ZNF385A: variants seen among roughly 807,000 people sequenced by gnomAD.
The protein encoded by ZNF385A is hematopoietic zinc finger protein.
In ZNF385A, 14 loss-of-function variants were observed where a neutral mutation model predicts 32.1. The ratio of observed to expected loss-of-function variants is 0.44; its 90% CI spans 0.29 to 0.68. The LOEUF is 0.68. ZNF385A is among the 30% of genes least tolerant of loss of function. The pLI, the probability that ZNF385A is intolerant of heterozygous loss-of-function variation, is 0.14. For missense variants in ZNF385A, 406 were observed against 478.4 expected (o/e 0.85, Z 1.41); for synonymous variants, 197 against 202.7 (o/e 0.97, Z 0.24).
At chr12:54,385,690 T>C (rs1035279808), upstream of ZNF385A, 204 of 985,364 alleles carry the variant, frequency 2.1e-4, no homozygotes, top group Non-Finnish European at 2.4e-4. Flanking sequence ...TTCTGATGCC[T>C]GCTGCCCCCA....
rs1954435063 is a variant in ZNF385A, at chr12:54,370,093, TC to T, written c.*162del. ...TGTTCCCCCCCTTCTGAAGCCCCCC[TC>T]CCCCGCTACCCCTCCCCTTTCCTGG... On this transcript the variant is annotated 3_prime_UTR_variant, in exon 7 of 7. Coordinates refer to ENST00000394313, the MANE Select transcript of ZNF385A (RefSeq NM_015481.3). The surrounding 1 kb of genome is among the most constrained non-coding windows in gnomAD (Gnocchi z 5.5). 3.8e-6 allele frequency: 2 copies of T among 527,390 alleles called. No homozygotes were observed. The highest frequency in any genetic ancestry group is 3.1e-6 in the Non-Finnish European group (1 of 324,384). The allele number at this position is 527,390 out of a possible 1,614,324, so 32.7% of individuals were successfully genotyped here.
chr12:54,383,848 C>T (rs181348014), intron 1 of ZNF385A, among the ~76,000 whole-genome samples: 519 of 152,324 alleles, frequency 3.4e-3, no homozygotes, highest in African/African-American at 0.012. Context: ...GACCCAAGAT[C>T]GTGCCACTGC....
upstream of ZNF385A, chr12:54,385,745 C>T (rs968133288): frequency 1.0e-5 from 9 of 863,918 alleles, no homozygotes; most frequent in African/African-American, 5.5e-5. Flanking sequence ...GGCCTGACAG[C>T]GTCCCCTTCC....
At chr12:54,374,262 G>T in intron 2 of ZNF385A, 127 bp from the exon 3 acceptor site, 1 of 854,840 alleles carries the variant, frequency 1.2e-6, no homozygotes, top group Non-Finnish European at 1.6e-6. Context: ...ACACCAGTGA[G>T]ATGTAAAGCC....
Position 54,371,547 on chromosome 12 carries a change from G to A in ZNF385A, c.530C>T (p.Ala177Val), listed in dbSNP as rs1233092399. The A allele has an allele frequency of 6.2e-7, 1 of 1,613,672 alleles. No individual in the cohort carries two copies. ...PGGSKEEEEK[A>V]KRLLYCALCK... Reference sequence around the variant, plus strand: ...CAGAGCACAGTAGAGCAGCCGCTTGGCTTTCTCCTCCTCTTCCTTGCTACC... The same window carrying A: ...CAGAGCACAGTAGAGCAGCCGCTTGACTTTCTCCTCCTCTTCCTTGCTACC... Residue 177 changes from alanine (A) to valine (V), a missense_variant, in exon 4 of 7, where the codon GCC (alanine) becomes GTC (valine). Transcript: ENST00000394313.
chr12:54,378,003 A>G (rs77253579), intron 1 of ZNF385A, among the ~76,000 whole-genome samples: 4,028 of 152,270 alleles, frequency 0.026, 183 homozygotes, highest in African/African-American at 0.092. Flanking sequence ...CCATACCATG[A>G]GAATGGTTCC....
At chr12:54,371,193 G>A in intron 4 of ZNF385A, 97 bp from the exon 5 acceptor site, 2 of 1,371,124 alleles carry the variant, frequency 1.5e-6, no homozygotes, top group South Asian at 2.8e-5. Context: ...ATATGAGGGG[G>A]AAGAGGGTGG....
At chr12:54,386,069 G>A (rs956999654), upstream of ZNF385A, among the ~76,000 whole-genome samples, 21 of 152,076 alleles carry the variant, frequency 1.4e-4, no homozygotes, top group African/African-American at 5.1e-4. Flanking sequence ...GGCTAAAGGA[G>A]AGGGTAAGAT....
Position 54,370,608 on chromosome 12 carries a change from C to T in ZNF385A, c.870+18G>A, listed in dbSNP as rs1410913179. ...CCCGCGCCCTCCCACTGCTGAATTC[C>T]CAGCATCCAGGCCTCACCGCCAGCT... is the stretch of plus-strand genomic sequence containing the variant. On this transcript the variant is annotated intron_variant, in intron 6 of 6. Coordinates refer to ENST00000394313, the MANE Select transcript of ZNF385A (RefSeq NM_015481.3). The surrounding 1 kb of genome is among the most constrained non-coding windows in gnomAD (Gnocchi z 5.5). The T allele has an allele frequency of 1.3e-6, 2 of 1,586,340 alleles. No homozygotes were observed. The highest frequency in any genetic ancestry group is 3.6e-5 in the Admixed American group (2 of 56,172).
intron 1 of ZNF385A, 74 bp downstream of exon 1, chr12:54,384,352 AAG>A: frequency 6.9e-7 from 1 of 1,450,508 alleles, no homozygotes; most frequent in South Asian, 1.4e-5. Context: ...GAAACAGAAG[AAG>A]AGGGCAGAGG....
At chr12:54,391,136 G>A in intron 1 of ZNF385A, 6 of 1,300,836 alleles carry the variant, frequency 4.6e-6, no homozygotes, top group Non-Finnish European at 4.1e-6. Flanking sequence ...ACGGGCGGCC[G>A]CAGTCACCGC....
intron 1 of ZNF385A, among the ~76,000 whole-genome samples, chr12:54,382,682 C>G (rs913327098): frequency 4.6e-5 from 7 of 152,104 alleles, no homozygotes; most frequent in African/African-American, 1.7e-4. Flanking sequence ...ATGTTTATGG[C>G]TAAATATGGT....
chr12:54,371,045 T>C lies in ZNF385A; in HGVS notation c.656A>G (p.Lys219Arg), dbSNP rs1439262947. Residue 219 changes from lysine to arginine, a missense_variant, in exon 5 of 7, where the codon AAA becomes AGA. Coordinates refer to ENST00000394313, the MANE Select transcript of ZNF385A (RefSeq NM_015481.3). ...GGGAGGCCCCAGCCGAGGGTAAGCTTTGATGGGCCCGAGCCCACTTCGGGC... is the reference window on the plus strand; with the variant it reads ...GGGAGGCCCCAGCCGAGGGTAAGCTCTGATGGGCCCGAGCCCACTTCGGGC... ...LEARSGLGPI[K>R]AYPRLGPPTP... 2 of 1,613,920 alleles carry C rather than the reference T, an allele frequency of 1.2e-6. No individual in the cohort carries two copies. The highest frequency in any genetic ancestry group is 2.2e-5 in the East Asian group (1 of 44,876).
chr12:54,370,090 C>T lies in ZNF385A; in HGVS notation c.*166G>A, dbSNP rs1233726961. On this transcript the variant is annotated 3_prime_UTR_variant, in exon 7 of 7. Transcript: ENST00000394313. This position sits in a 1 kb window ranked among gnomAD's most constrained non-coding sequence, Gnocchi z 5.5. Reference sequence around the variant, plus strand: ...GGGTGTTCCCCCCCTTCTGAAGCCCCCCTCCCCCGCTACCCCTCCCCTTTC... The same window carrying T: ...GGGTGTTCCCCCCCTTCTGAAGCCCTCCTCCCCCGCTACCCCTCCCCTTTC... The T allele has an allele frequency of 3.7e-6, 2 of 545,032 alleles. No individual in the cohort carries two copies. The highest frequency in any genetic ancestry group is 6.1e-6 in the Non-Finnish European group (2 of 329,736). 33.8% of individuals were successfully genotyped at this position (545,032 alleles called of 1,614,324 possible).
intron 1 of ZNF385A, chr12:54,381,339 C>G (rs1163014048): frequency 6.6e-6 from 1 of 152,136 alleles, no homozygotes; most frequent in African/African-American, 2.4e-5. Context: ...CAGTTTAAAT[C>G]CTGCCAATCA....
intron 1 of ZNF385A, among the ~76,000 whole-genome samples, chr12:54,382,659 C>T (rs1397357438): frequency 6.6e-6 from 1 of 152,068 alleles, no homozygotes; most frequent in Admixed American, 6.5e-5. Context: ...GGTGTGTAGT[C>T]AATGCTCAAT....
In ZNF385A at chr12:54,369,972, AGG is replaced by A; in HGVS notation, c.*282_*283del. On this transcript the variant is annotated 3_prime_UTR_variant, in exon 7 of 7. Coordinates refer to ENST00000394313, the MANE Select transcript of ZNF385A (RefSeq NM_015481.3). ...GGGCTGGATGGACATGGCTTTTGGG[AGG>A]GGGGGTGTCTCCAAGGGGGCTCGGG... 3.0e-6 allele frequency: 1 copy of A among 330,468 alleles called. No individual in the cohort carries two copies. Among genetic ancestry groups the A allele is most frequent in the Non-Finnish European group, 5.4e-6 (1 of 184,142 alleles). 20.5% of individuals were successfully genotyped at this position (330,468 alleles called of 1,614,324 possible).
At chr12:54,376,897 A>C (rs1224510699) in intron 1 of ZNF385A, among the ~76,000 whole-genome samples, 1 of 152,204 alleles carries the variant, frequency 6.6e-6, no homozygotes, top group Admixed American at 6.5e-5. Context: ...AGGGAGAGGA[A>C]AGCCTGGAAT....
At chr12:54,374,792 GC>G (rs1954754782) in intron 2 of ZNF385A, among the ~76,000 whole-genome samples, 1 of 152,176 alleles carries the variant, frequency 6.6e-6, no homozygotes, top group Non-Finnish European at 1.5e-5. Flanking sequence ...TTGGCTCCCT[GC>G]CCCTCTAGTC....
Sources: allele counts gnomAD v4.1 joint callset (sites outside exome capture counted in the v4.1 genomes callset), GRCh38; gene constraint gnomAD v4.1.1; non-coding constraint Gnocchi (gnomAD v3.1); transcripts MANE v1.5; gene names NCBI Gene and HGNC (gene_info 2026-07-23, HGNC 2026-07-21).